The following ACSBG1 variants were observed in gnomAD, a reference collection of about 807,000 sequenced individuals.
The protein encoded by ACSBG1 is long-chain-fatty-acid--CoA ligase ACSBG1.
ACSBG1 carries 39 observed loss-of-function variants against 80.2 expected under a neutral mutation model. The observed-to-expected ratio is 0.49, with a 90% CI of 0.38 to 0.64. The LOEUF (loss-of-function observed/expected upper bound fraction) is 0.64, where lower values mean the gene tolerates loss of function less well. Among genes scored for constraint, ACSBG1 ranks in the 30% least tolerant of loss-of-function variants. The pLI is 0.00. For missense variants in ACSBG1, 828 were observed against 966.4 expected (o/e 0.86, Z 1.90); for synonymous variants, 392 against 379.5 (o/e 1.03, Z -0.38).
intron 12 of ACSBG1, 94 bp from the exon 13 acceptor site, chr15:78,173,933 T>C: frequency 7.0e-7 from 1 of 1,427,354 alleles, no homozygotes; most frequent in South Asian, 1.4e-5. Context: ...GGCAAGGGTG[T>C]GAATCATGTG....
intron 2 of ACSBG1, among the ~76,000 whole-genome samples, chr15:78,201,207 C>T (rs1347485851): frequency 1.3e-5 from 2 of 152,230 alleles, no homozygotes; most frequent in African/African-American, 4.8e-5. Context: ...TGGCTACCAG[C>T]AGCAACCCGG....
At chr15:78,225,881 G>C (rs1170408268) in intron 1 of ACSBG1, among the ~76,000 whole-genome samples, 1 of 152,162 alleles carries the variant, frequency 6.6e-6, no homozygotes, top group East Asian at 1.9e-4. Flanking sequence ...TGTCAACCAG[G>C]GCTGCAGTCT....
At chr15:78,233,574 A>G (rs1448503091) in intron 1 of ACSBG1, among the ~76,000 whole-genome samples, 1 of 151,768 alleles carries the variant, frequency 6.6e-6, no homozygotes, top group Non-Finnish European at 1.5e-5. Flanking sequence ...TCTTGGCTCC[A>G]CTCTGACCGT....
chr15:78,189,314 T>A (rs1287350388), intron 5 of ACSBG1, among the ~76,000 whole-genome samples: 2 of 151,216 alleles, frequency 1.3e-5, no homozygotes, highest in Non-Finnish European at 2.9e-5. Flanking sequence ...AGCCATCCCA[T>A]TACTGGGTAT....
In ACSBG1 at chr15:78,169,236, A is replaced by C. The variant is rs1274395269; in HGVS notation, c.*2208T>G. 5.9e-6 allele frequency: 2 copies of C among 340,188 alleles called. No individual in the cohort carries two copies. The highest frequency in any genetic ancestry group is 1.1e-5 in the Non-Finnish European group (2 of 188,298). 21.1% of individuals were successfully genotyped at this position (340,188 alleles called of 1,614,324 possible). On this transcript the variant is annotated 3_prime_UTR_variant, in exon 14 of 14. Coordinates refer to ENST00000258873, the MANE Select transcript of ACSBG1 (RefSeq NM_015162.5). Reference sequence around the variant, plus strand: ...TTTATTTATTAAGTGTCTACCTGGTAAATGTTTTTTTTGTAAACTCTGAGT... The same window carrying C: ...TTTATTTATTAAGTGTCTACCTGGTCAATGTTTTTTTTGTAAACTCTGAGT...
chr15:78,183,578 A>G (rs929724020), intron 5 of ACSBG1, among the ~76,000 whole-genome samples: 9 of 152,190 alleles, frequency 5.9e-5, no homozygotes, highest in African/African-American at 2.2e-4. Flanking sequence ...ACAAACAAAC[A>G]AAAAGAAACT....
At chr15:78,222,733 A>G (rs528518046) in intron 1 of ACSBG1, among the ~76,000 whole-genome samples, 1 of 152,308 alleles carries the variant, frequency 6.6e-6, no homozygotes, top group South Asian at 2.1e-4. Context: ...GACATATTAC[A>G]TAAAAGGAAA....
At position 78,172,109 on chromosome 15, in the gene ACSBG1, T is replaced by C. The variant is rs967190437; in HGVS notation, c.2090-580A>G. On this transcript the variant is annotated intron_variant, in intron 13 of 13. Coordinates refer to ENST00000258873, the MANE Select transcript of ACSBG1 (RefSeq NM_015162.5). This position sits in a 1 kb window ranked among gnomAD's most constrained non-coding sequence, Gnocchi z 4.1. ...TGAGGCCTGCCGACAGCCACGTAAG[T>C]GAGCGCGGAGGTGAGCCTCAGCTGC... 2.6e-5 allele frequency among the ~76,000 whole-genome samples: 4 copies of C among 152,204 alleles called. No homozygotes were observed. The highest frequency in any genetic ancestry group is 5.9e-5 in the Non-Finnish European group (4 of 68,036).
intron 1 of ACSBG1, among the ~76,000 whole-genome samples, chr15:78,233,637 G>A (rs956237189): frequency 2.6e-5 from 4 of 152,148 alleles, no homozygotes; most frequent in Non-Finnish European, 4.4e-5. Context: ...CTGCCCCTTC[G>A]CCTGCGCCCC....
intron 13 of ACSBG1, among the ~76,000 whole-genome samples, 163 bp downstream of exon 13, chr15:78,173,430 T>C (rs1367419043): frequency 6.6e-6 from 1 of 150,512 alleles, no homozygotes; most frequent in Non-Finnish European, 1.5e-5. Context: ...AGCCCATGCA[T>C]GGAGCCATCA....
chr15:78,180,917 A>G lies in ACSBG1; in HGVS notation c.1091T>C (p.Leu364Pro), dbSNP rs1209552009. The G allele has an allele frequency of 1.9e-6, 3 of 1,613,994 alleles. No individual in the cohort carries two copies. The highest frequency in any genetic ancestry group is 2.5e-6 in the Non-Finnish European group (3 of 1,179,996). The part of the protein sequence containing the change: ...DALKGSLVNT[L>P]REVEPTSHMG... The stretch of plus-strand genomic sequence containing the variant: ...GTGTGATGTGGGCTCCACCTCCCGC[A>G]GCGTGTTCACCAGGCTCCCCTGTTC... The change falls in exon 9 of 14, where the codon CTG becomes CCG. Residue 364 changes from leucine to proline, a missense_variant. This residue lies in a region of ACSBG1 where 271 missense variants were observed against 375.9 expected (regional missense o/e 0.72). Coordinates refer to ENST00000258873, the MANE Select transcript of ACSBG1 (RefSeq NM_015162.5).
chr15:78,214,222 C>T (rs2075290198), intron 1 of ACSBG1, among the ~76,000 whole-genome samples: 1 of 152,228 alleles, frequency 6.6e-6, no homozygotes, highest in Non-Finnish European at 1.5e-5. Flanking sequence ...CCAGCATTTT[C>T]CTGCTTCCTG....
chr15:78,181,265 C>T (rs2074940460), intron 8 of ACSBG1, among the ~76,000 whole-genome samples: 1 of 152,126 alleles, frequency 6.6e-6, no homozygotes. Flanking sequence ...ACAGGTGACA[C>T]TTTGGGACAC....
At chr15:78,205,602 A>G (rs182797729) in intron 2 of ACSBG1, among the ~76,000 whole-genome samples, 71 of 152,314 alleles carry the variant, frequency 4.7e-4, no homozygotes, top group Non-Finnish European at 7.2e-4. Flanking sequence ...CATTTCCTCT[A>G]CCAAATAGGA....
intron 1 of ACSBG1, among the ~76,000 whole-genome samples, chr15:78,230,748 A>T (rs1255972854): frequency 6.6e-6 from 1 of 152,170 alleles, no homozygotes; most frequent in Non-Finnish European, 1.5e-5. Flanking sequence ...CTGCCATGTG[A>T]GATGTGCCTT....
rs756333596 is a variant in ACSBG1 at position 78,179,713 on chromosome 15, C to T, written c.1321G>A (p.Gly441Arg). ...LVLAKVRQAL[G>R]FAKCQKNFYG... ...AAGTTCTTTTGACACTTGGCAAATC[C>T]CAGTGCCTGGCGAACCTTGGCTAGC... Residue 441 changes from glycine to arginine, a missense_variant, in exon 10 of 14, where the codon GGA becomes AGA. Gly to Arg is a moderately radical substitution (Grantham distance 125). Transcript: ENST00000258873. The T allele has an allele frequency of 3.7e-6, 6 of 1,614,064 alleles. No individual in the cohort carries two copies. In the South Asian group the frequency reaches 6.6e-5, roughly 18 times the overall value.
intron 5 of ACSBG1, among the ~76,000 whole-genome samples, chr15:78,185,480 A>C (rs912105916): frequency 1.1e-4 from 17 of 152,222 alleles, no homozygotes; most frequent in African/African-American, 4.1e-4. Context: ...ATAGCCTCAA[A>C]ATAAAGTTCA....
Position 78,172,897 on chromosome 15 carries a change from C to T in ACSBG1, c.2089+696G>A, listed in dbSNP as rs190985154. On this transcript the variant is annotated intron_variant, in intron 13 of 13. Transcript: ENST00000258873. The surrounding 1 kb of genome is among the most constrained non-coding windows in gnomAD (Gnocchi z 4.1). ...CCCTTTGTCACACAAGCTGACTTTC[C>T]GGAAGATCACAGTACTCTCACCCCT... Among the ~76,000 whole-genome samples, 123 of 152,284 alleles carry T rather than the reference C, an allele frequency of 8.1e-4. No individual in the cohort carries two copies. The highest frequency in any genetic ancestry group is 2.8e-3 in the African/African-American group (118 of 41,554).
At chr15:78,179,448 G>T in intron 10 of ACSBG1, 102 bp downstream of exon 10, 1 of 1,099,608 alleles carries the variant, frequency 9.1e-7, no homozygotes, top group South Asian at 1.5e-5. Context: ...GGACCCAACT[G>T]GCATGCAAAG....
Sources: allele counts gnomAD v4.1 joint callset (sites outside exome capture counted in the v4.1 genomes callset), GRCh38; gene constraint gnomAD v4.1.1; regional missense constraint gnomAD v4.1.1; non-coding constraint Gnocchi (gnomAD v3.1); transcripts MANE v1.5; gene names NCBI Gene and HGNC (gene_info 2026-07-23, HGNC 2026-07-21).